Variants in ARHGAP22 observed in about 807,000 individuals in gnomAD.
ARHGAP22 encodes rho GTPase-activating protein 22.
A neutral mutation model predicts 59.1 loss-of-function variants in ARHGAP22; 48 were observed. The observed-to-expected ratio is 0.81, with a 90% CI of 0.64 to 1.03. The LOEUF (loss-of-function observed/expected upper bound fraction) is 1.03, where lower values mean the gene tolerates loss of function less well. Among genes scored for constraint, ARHGAP22 ranks in the 50% least tolerant of loss-of-function variants. The pLI, the probability that ARHGAP22 is intolerant of heterozygous loss-of-function variation, is 0.00. For synonymous variants in ARHGAP22, 445 were observed against 416.4 expected (o/e 1.07, Z -0.84); for missense variants, 1,015 against 958.7 (o/e 1.06, Z -0.78).
At chr10:48,449,618 G>A (rs996546296) in intron 9 of ARHGAP22, among the ~76,000 whole-genome samples, 2 of 152,226 alleles carry the variant, frequency 1.3e-5, no homozygotes, top group East Asian at 3.8e-4. Context: ...GATGCTGAGG[G>A]AAACGCCCTG....
In ARHGAP22 at chr10:48,605,052, T is replaced by C. The variant is rs528320412; in HGVS notation, c.-256A>G. 1 of 1,408,992 alleles carries C rather than the reference T, an allele frequency of 7.1e-7. No homozygotes were observed. The highest frequency in any genetic ancestry group is 2.9e-5 in the Admixed American group (1 of 35,028). The allele number at this position is 1,408,992 out of a possible 1,614,324, so 87.3% of individuals were successfully genotyped here. A position where few individuals can be genotyped will look rare whatever the true frequency, so the allele number is the denominator to read the frequency against. On this transcript the variant is annotated 5_prime_UTR_variant, in exon 1 of 10. Transcript: ENST00000249601. Reference sequence around the variant, plus strand: ...TCCAAGCGGACCATTAAAGCCTCAGTAATCACTGCTGATCAATCACTGGAC... The same window carrying C: ...TCCAAGCGGACCATTAAAGCCTCAGCAATCACTGCTGATCAATCACTGGAC...
chr10:48,466,051 T>C (rs1329684633), intron 4 of ARHGAP22, among the ~76,000 whole-genome samples: 1 of 152,020 alleles, frequency 6.6e-6, no homozygotes, highest in Non-Finnish European at 1.5e-5. Flanking sequence ...TCCCCACCCG[T>C]CCAGGCCTGG....
chr10:48,521,626 C>T (rs1253821935), intron 3 of ARHGAP22, among the ~76,000 whole-genome samples: 1 of 152,158 alleles, frequency 6.6e-6, no homozygotes, highest in Non-Finnish European at 1.5e-5. Context: ...TAAAAAAATG[C>T]ACATACACAT....
Position 48,604,763 on chromosome 10 carries a change from C to A in ARHGAP22, c.34G>T (p.Ala12Ser), listed in dbSNP as rs752120292. The stretch of plus-strand genomic sequence containing the variant: ...AGAAACCCCAGAAAGTTGGACTTAC[C>A]CCTCCTGGCCTGCCTGATCTTTGGG... Reference protein sequence around the residue: ...LSPKIRQARRARSKSLVMGEQ... With the variant: ...LSPKIRQARRSRSKSLVMGEQ... The change falls in exon 1 of 10, where the codon GCC becomes TCC. Residue 12 changes from alanine (A) to serine (S), a missense_variant and splice_region_variant. By Grantham distance (99) the Ala-to-Ser change is moderately conservative. Transcript: ENST00000249601. 6.2e-7 allele frequency: 1 copy of A among 1,614,212 alleles called. No individual in the cohort carries two copies. The highest frequency in any genetic ancestry group is 8.5e-7 in the Non-Finnish European group (1 of 1,180,044).
chr10:48,610,962 C>T (rs1389766753), intron 1 of ARHGAP22, among the ~76,000 whole-genome samples: 1 of 152,230 alleles, frequency 6.6e-6, no homozygotes, highest in Non-Finnish European at 1.5e-5. Context: ...AGTTCCATGC[C>T]TACCACACTT....
chr10:48,562,195 C>T (rs2057732039), intron 2 of ARHGAP22, among the ~76,000 whole-genome samples: 1 of 150,034 alleles, frequency 6.7e-6, no homozygotes, highest in Non-Finnish European at 1.5e-5. Flanking sequence ...CACTGCACTC[C>T]AGCCTGGGCA....
intron 2 of ARHGAP22, 137 bp from the exon 3 acceptor site, chr10:48,555,687 G>GA: frequency 1.4e-6 from 1 of 736,968 alleles, no homozygotes; most frequent in Non-Finnish European, 2.3e-6. Context: ...CCTCAGAGAG[G>GA]GGCACACACC....
At chr10:48,524,096 C>T (rs7089439) in intron 3 of ARHGAP22, 339,426 of 1,430,024 alleles carry the variant, frequency 0.24, 42,420 homozygotes, top group African/African-American at 0.41. Context: ...TGCAGCAGCA[C>T]AGCCCCATGG....
At chr10:48,548,418 T>C (rs1231783888) in intron 3 of ARHGAP22, among the ~76,000 whole-genome samples, 1 of 152,202 alleles carries the variant, frequency 6.6e-6, no homozygotes, top group Non-Finnish European at 1.5e-5. Flanking sequence ...GCCAACCCAC[T>C]TGGTTCCCTT....
chr10:48,494,501 C>T (rs755237420), intron 3 of ARHGAP22, among the ~76,000 whole-genome samples: 3 of 152,164 alleles, frequency 2.0e-5, no homozygotes, highest in Non-Finnish European at 4.4e-5. Flanking sequence ...ACGCCTGTGC[C>T]GATGCCACCT....
At chr10:48,643,683 C>T (rs1213961714) in intron 1 of ARHGAP22, among the ~76,000 whole-genome samples, 1 of 150,352 alleles carries the variant, frequency 6.7e-6, no homozygotes, top group Non-Finnish European at 1.5e-5. Flanking sequence ...AGCACACCAA[C>T]ATGGCACATG....
chr10:48,583,038 AT>A lies in ARHGAP22; in HGVS notation c.148del (p.Ile50SerfsTer2), dbSNP rs2135636818. 6.2e-7 allele frequency: 1 copy of A among 1,614,242 alleles called. No homozygotes were observed. The highest frequency in any genetic ancestry group is 1.7e-5 in the Admixed American group (1 of 60,030). On this transcript the variant is annotated frameshift_variant, in exon 2 of 10. Coordinates refer to ENST00000249601, the MANE Select transcript of ARHGAP22 (RefSeq NM_021226.4). LOFTEE classifies it high-confidence loss of function. ...CCAGCGCTGCTGCCAGTTCTTCATG[AT>A]GCTCCTCTGCTTCTTCAGCCAGCCC... ...KAGWLKKQRS[I>X]MKNWQQRWFV...
intron 1 of ARHGAP22, among the ~76,000 whole-genome samples, chr10:48,638,280 A>G (rs554657906): frequency 2.6e-5 from 4 of 152,194 alleles, no homozygotes; most frequent in Admixed American, 1.3e-4. Flanking sequence ...GGAGACATAC[A>G]TTGCTGCTGA....
chr10:48,466,294 G>T (rs1248054775), intron 4 of ARHGAP22, among the ~76,000 whole-genome samples: 1 of 151,498 alleles, frequency 6.6e-6, no homozygotes, highest in Non-Finnish European at 1.5e-5. Flanking sequence ...CTAAGTCCTC[G>T]TCTCTACATG....
intron 1 of ARHGAP22, among the ~76,000 whole-genome samples, chr10:48,639,164 G>A (rs1280316643): frequency 2.0e-5 from 3 of 152,222 alleles, no homozygotes; most frequent in African/African-American, 7.2e-5. Context: ...GTCATGGGGA[G>A]CAGCAATTTT....
At chr10:48,655,008 C>CTTTCTCTTTCTTTCTTTCTTTCTTTCTT (rs1554967984), upstream of ARHGAP22, among the ~76,000 whole-genome samples, 1 of 76,546 alleles carries the variant, frequency 1.3e-5, no homozygotes, top group Admixed American at 1.4e-4. Flanking sequence ...CTCTTTCTTT[C>CTTTCTCTTTCTTTCTTTCTTTCTTTCTT]TCTTTCTTTC....
chr10:48,565,065 C>G (rs549872706), intron 2 of ARHGAP22, among the ~76,000 whole-genome samples: 1 of 152,194 alleles, frequency 6.6e-6, no homozygotes, highest in Non-Finnish European at 1.5e-5. Context: ...TCACCCAAAT[C>G]GTAAAAAGAT....
chr10:48,586,803 G>A (rs930472874), intron 1 of ARHGAP22, among the ~76,000 whole-genome samples: 4 of 152,126 alleles, frequency 2.6e-5, no homozygotes, highest in Admixed American at 1.3e-4. Flanking sequence ...ACGTCTGCTC[G>A]CTCCATTTGC....
chr10:48,517,327 T>G (rs2053384290), intron 3 of ARHGAP22, among the ~76,000 whole-genome samples: 1 of 152,104 alleles, frequency 6.6e-6, no homozygotes, highest in Non-Finnish European at 1.5e-5. Context: ...AAAAGACAAC[T>G]TAGGCAGGAT....
Sources: gnomAD v4.1 joint callset for allele counts (sites outside exome capture counted in the v4.1 genomes callset) on GRCh38, gnomAD v4.1.1 for gene constraint, MANE v1.5 for transcripts, NCBI Gene and HGNC (gene_info 2026-07-23, HGNC 2026-07-21) for gene names.